The following ESYT2 variants were observed in gnomAD, a reference collection of about 807,000 sequenced individuals.
The protein encoded by ESYT2 is extended synaptotagmin-2.
Under a neutral mutation model 107.2 loss-of-function variants are expected in ESYT2, and 54 were observed. The observed-to-expected ratio is 0.50, with a 90% confidence interval of 0.40 to 0.63. The LOEUF is 0.63. Ranked by LOEUF, ESYT2 falls within the 30% of genes least tolerant of loss-of-function variation. ESYT2 has a pLI of 0.00. For synonymous variants in ESYT2, 491 were observed against 434.1 expected (o/e 1.13, Z -1.63); for missense variants, 1,020 against 1,094.5 (o/e 0.93, Z 0.96).
intron 9 of ESYT2, 36 bp downstream of exon 9, chr7:158,764,641 C>T (rs759452157): frequency 2.5e-6 from 4 of 1,604,034 alleles, no homozygotes; most frequent in Non-Finnish European, 3.4e-6. Flanking sequence ...GGGCTCAGCC[C>T]ACCACCCCAG....
chr7:158,747,153 C>A (rs1837431925), intron 16 of ESYT2, among the ~76,000 whole-genome samples: 1 of 151,936 alleles, frequency 6.6e-6, no homozygotes, highest in South Asian at 2.1e-4. Context: ...CAAGGCCAAG[C>A]CTGGCCAACA....
intron 1 of ESYT2, among the ~76,000 whole-genome samples, chr7:158,820,488 G>A (rs1272868284): frequency 6.6e-6 from 1 of 152,166 alleles, no homozygotes; most frequent in Non-Finnish European, 1.5e-5. Flanking sequence ...ACTTTTATCA[G>A]ATAAAAAAAT....
Position 158,743,639 on chromosome 7 carries a change from T to TCA in ESYT2, c.1682_1683dup (p.Lys562Ter), listed in dbSNP as rs756740731. On this transcript the variant is annotated frameshift_variant, in exon 17 of 23. Coordinates refer to ENST00000275418, the MANE Select transcript of ESYT2 (RefSeq NM_001367773.1). LOFTEE classifies it high-confidence loss of function. ...GTGAGCAGCTGGCTGAGGGGGACCT[T>TCA]CAGGTTCCCCAGGGAACACTGGTGC... The TCA allele has an allele frequency of 6.2e-7, 1 of 1,613,346 alleles. No homozygotes were observed. The highest frequency in any genetic ancestry group is 8.5e-7 in the Non-Finnish European group (1 of 1,179,824).
At position 158,741,519 on chromosome 7, in the gene ESYT2, T is replaced by C; in HGVS notation, c.2168+4A>G. 6.4e-7 allele frequency: 1 copy of C among 1,563,290 alleles called. No individual in the cohort carries two copies. On this transcript the variant is annotated splice_donor_region_variant and intron_variant, in intron 18 of 22. Transcript: ENST00000275418. ...TGAGAAACAACATGGTGGCACTTAGTTACTTTTCCAGCTGCCTCAGCCTTT... is the reference window on the plus strand; with the variant it reads ...TGAGAAACAACATGGTGGCACTTAGCTACTTTTCCAGCTGCCTCAGCCTTT...
intron 6 of ESYT2, among the ~76,000 whole-genome samples, chr7:158,785,528 A>C (rs1478337846): frequency 2.6e-5 from 4 of 152,222 alleles, no homozygotes; most frequent in Non-Finnish European, 5.9e-5. Flanking sequence ...TAATTTCTTA[A>C]AATATGAAGA....
intron 1 of ESYT2, among the ~76,000 whole-genome samples, chr7:158,823,395 C>T (rs1292448067): frequency 2.9e-4 from 42 of 145,124 alleles, no homozygotes; most frequent in Admixed American, 2.5e-3. Flanking sequence ...GGTGCGATCT[C>T]GGCTCACTGC....
At chr7:158,796,171 CTGTG>C (rs34956149) in intron 3 of ESYT2, among the ~76,000 whole-genome samples, 2 of 152,162 alleles carry the variant, frequency 1.3e-5, no homozygotes, top group African/African-American at 2.4e-5. Context: ...CGTGTGCAGA[CTGTG>C]TGTGTGTTTA....
At chr7:158,792,533 C>T (rs1431680568) in intron 4 of ESYT2, among the ~76,000 whole-genome samples, 3 of 132,828 alleles carry the variant, frequency 2.3e-5, no homozygotes, top group Admixed American at 2.2e-4. Context: ...GTGTCAAAAA[C>T]AAAAAAAAAA....
rs1467907752 is a variant in ESYT2 at position 158,739,120 on chromosome 7, C to A, written c.2170G>T (p.Gly724Trp). Residue 724 changes from glycine (G) to tryptophan (W), a missense_variant and splice_region_variant, in exon 19 of 23, where the codon GGG (glycine) becomes TGG (tryptophan). Physicochemically the swap from Gly to Trp is radical, Grantham distance 184. Transcript: ENST00000275418. ...AGTGGAGACTGTCCCAGGGTCGTCC[C>A]GCTGTGGGAAAAGAGCAGAAAGTCA... is the stretch of plus-strand genomic sequence containing the variant. ...LRQRLRQLENGTTLGQSPLGQ... is the reference protein window; with the variant it reads ...LRQRLRQLENWTTLGQSPLGQ... 6.2e-7 allele frequency: 1 copy of A among 1,613,836 alleles called. No individual in the cohort carries two copies. Among genetic ancestry groups the A allele is most frequent in the Non-Finnish European group, 8.5e-7 (1 of 1,179,878 alleles).
At chr7:158,769,225 A>T (rs755505106) in intron 7 of ESYT2, among the ~76,000 whole-genome samples, 10 of 152,216 alleles carry the variant, frequency 6.6e-5, no homozygotes, top group African/African-American at 9.7e-5. Flanking sequence ...CCCAAAAGAA[A>T]AACCATATGT....
intron 6 of ESYT2, among the ~76,000 whole-genome samples, chr7:158,785,013 G>A (rs1366731377): frequency 6.6e-6 from 1 of 152,172 alleles, no homozygotes; most frequent in African/African-American, 2.4e-5. Context: ...CCCTAAAACC[G>A]TATGCTGCCC....
intron 16 of ESYT2, among the ~76,000 whole-genome samples, chr7:158,745,220 GT>G (rs1563621261): frequency 1.7e-4 from 24 of 142,568 alleles, no homozygotes; most frequent in African/African-American, 4.3e-4. Flanking sequence ...ATGAGACAGG[GT>G]CAGGCAAGCG....
intron 1 of ESYT2, among the ~76,000 whole-genome samples, chr7:158,803,589 T>G (rs1014441886): frequency 8.5e-5 from 13 of 152,216 alleles, no homozygotes; most frequent in African/African-American, 3.1e-4. Flanking sequence ...TCTCTGAATA[T>G]GAATTAAAGT....
chr7:158,795,972 C>G (rs543860607), intron 3 of ESYT2, among the ~76,000 whole-genome samples: 1 of 152,324 alleles, frequency 6.6e-6, no homozygotes, highest in African/African-American at 2.4e-5. Context: ...ATTCTCTGCA[C>G]ACAGAAAGTC....
chr7:158,737,146 G>A lies in ESYT2; in HGVS notation c.2301C>T (p.Asp767=), dbSNP rs774403218. Residue 767 remains aspartate, a synonymous_variant, in exon 20 of 23, where the codon GAC becomes GAT. Coordinates refer to ENST00000275418, the MANE Select transcript of ESYT2 (RefSeq NM_001367773.1). The part of the protein sequence containing the change: ...NLIAFSEDGS[D]PYVRMYLLPD... ...GTAATAAATACATGCGGACATAGGG[G>A]TCAGAGCCGTCTTCAGAGAAGGCAA... The A allele has an allele frequency of 1.7e-5, 28 of 1,613,820 alleles. No individual in the cohort carries two copies. The highest frequency in any genetic ancestry group is 2.4e-5 in the Non-Finnish European group (28 of 1,179,884).
chr7:158,740,251 G>A (rs530023533), intron 18 of ESYT2, among the ~76,000 whole-genome samples: 1 of 152,320 alleles, frequency 6.6e-6, no homozygotes, highest in South Asian at 2.1e-4. Flanking sequence ...CGCGTGCTCC[G>A]CACAAGCTCC....
At chr7:158,781,066 T>C (rs1838768773) in intron 6 of ESYT2, among the ~76,000 whole-genome samples, 3 of 152,010 alleles carry the variant, frequency 2.0e-5, no homozygotes, top group Admixed American at 6.6e-5. Context: ...TGTGAGAACA[T>C]AAGAGCAAAT....
At chr7:158,807,254 GAAAA>G (rs372309924) in intron 1 of ESYT2, among the ~76,000 whole-genome samples, 11 of 117,232 alleles carry the variant, frequency 9.4e-5, no homozygotes, top group South Asian at 2.9e-4. Flanking sequence ...CCGTCTGAAG[GAAAA>G]AAAAAAAAAA....
At chr7:158,772,030 G>A (rs1467307885) in intron 7 of ESYT2, among the ~76,000 whole-genome samples, 2 of 151,884 alleles carry the variant, frequency 1.3e-5, no homozygotes, top group South Asian at 4.2e-4. Flanking sequence ...CTGAGGCAGG[G>A]AGAATTGCTT....
Sources: allele counts gnomAD v4.1 joint callset (sites outside exome capture counted in the v4.1 genomes callset), GRCh38; gene constraint gnomAD v4.1.1; transcripts MANE v1.5; gene names NCBI Gene and HGNC (gene_info 2026-07-23, HGNC 2026-07-21).